Variants in SANBR observed in about 807,000 individuals in gnomAD.
SANBR encodes the protein SANT and BTB domain regulator of CSR.
SANBR carries 77 observed loss-of-function variants against 101.8 expected under a neutral mutation model. That is an observed-to-expected ratio of 0.76 (90% CI 0.63 to 0.91). The LOEUF is 0.91. Among genes scored for constraint, SANBR ranks in the 40% least tolerant of loss-of-function variants. SANBR has a pLI of 0.00. For synonymous variants in SANBR, 279 were observed against 274.7 expected (o/e 1.02, Z -0.15); for missense variants, 875 against 853.0 (o/e 1.03, Z -0.32).
At chr2:61,116,899 A>G (rs1226361047) in intron 17 of SANBR, among the ~76,000 whole-genome samples, 1 of 152,088 alleles carries the variant, frequency 6.6e-6, no homozygotes, top group Non-Finnish European at 1.5e-5. Flanking sequence ...CTAAAAAAAA[A>G]TACAAAAATT....
In SANBR at chr2:61,070,070, T is replaced by C. The variant is rs955934851; in HGVS notation, c.-9-272T>C. 3.9e-5 allele frequency among the ~76,000 whole-genome samples: 6 copies of C among 152,194 alleles called. No homozygotes were observed. In the East Asian group the frequency reaches 1.2e-3, roughly 29 times the overall value. Reference sequence around the variant, plus strand: ...ATCTTGTAAAATTGGGGACTCTGTCTCTAAAGAAAAAAAGATAAAAAATAT... The same window carrying C: ...ATCTTGTAAAATTGGGGACTCTGTCCCTAAAGAAAAAAAGATAAAAAATAT... On this transcript the variant is annotated intron_variant, in intron 2 of 21. Coordinates refer to ENST00000402291, the MANE Select transcript of SANBR (RefSeq NM_001129993.3).
At chr2:61,114,683 G>A (rs185625334) in intron 16 of SANBR, among the ~76,000 whole-genome samples, 2 of 152,074 alleles carry the variant, frequency 1.3e-5, no homozygotes, top group African/African-American at 2.4e-5. Context: ...TTGAGACAGG[G>A]GCTCTCTGTT....
intron 10 of SANBR, among the ~76,000 whole-genome samples, chr2:61,091,076 A>C (rs1045089379): frequency 6.6e-6 from 1 of 152,138 alleles, no homozygotes; most frequent in East Asian, 1.9e-4. Context: ...CTTTTAAGAC[A>C]AATGTGCCTG....
intron 19 of SANBR, 76 bp downstream of exon 19, chr2:61,117,616 T>C: frequency 2.4e-6 from 3 of 1,258,190 alleles, no homozygotes; most frequent in Non-Finnish European, 3.5e-6. Flanking sequence ...TTTTATACAG[T>C]ATGCTGAATA....
At position 61,097,738 on chromosome 2, in the gene SANBR, C is replaced by T. The variant is rs775772917; in HGVS notation, c.1251C>T (p.His417=). ...LCIEFSHCQY[H]SETVVYPTAA... ...TTGAATTTTCACATTGTCAATACCA[C>T]TCAGAAACAGTGGTTTATCCTACTG... The change falls in exon 12 of 22, where the codon CAC becomes CAT. Residue 417 remains histidine, a synonymous_variant. Coordinates refer to ENST00000402291, the MANE Select transcript of SANBR (RefSeq NM_001129993.3). 1.2e-6 allele frequency: 2 copies of T among 1,609,980 alleles called. No individual in the cohort carries two copies. The highest frequency in any genetic ancestry group is 3.3e-5 in the Admixed American group (2 of 59,978).
At position 61,123,795 on chromosome 2, in the gene SANBR, C is replaced by G; in HGVS notation, c.*1633C>G. The G allele has an allele frequency of 1.0e-6, 1 of 985,506 alleles. No homozygotes were observed. Among genetic ancestry groups the G allele is most frequent in the African/African-American group, 1.7e-5 (1 of 57,366 alleles). The allele number at this position is 985,506 out of a possible 1,614,324, so 61.0% of individuals were successfully genotyped here. A position where few individuals can be genotyped will look rare whatever the true frequency, so the allele number is the denominator to read the frequency against. On this transcript the variant is annotated 3_prime_UTR_variant, in exon 22 of 22. Coordinates refer to ENST00000402291, the MANE Select transcript of SANBR (RefSeq NM_001129993.3). ...CCAGAGTTTATCAGAATTTGATTCTCTTCAGAATGCTTTTGGCCAGGTGTA... is the reference window on the plus strand; with the variant it reads ...CCAGAGTTTATCAGAATTTGATTCTGTTCAGAATGCTTTTGGCCAGGTGTA...
At chr2:61,105,587 C>T (rs1211338679) in intron 13 of SANBR, among the ~76,000 whole-genome samples, 2 of 151,930 alleles carry the variant, frequency 1.3e-5, no homozygotes, top group Non-Finnish European at 2.9e-5. Flanking sequence ...AGGTTGGTCT[C>T]GAACTCGTGA....
exon 22 of SANBR, chr2:61,137,664 C>T (rs758074053): frequency 7.9e-5 from 12 of 151,852 alleles, no homozygotes; most frequent in Non-Finnish European, 1.5e-4. Context: ...AACAAATATC[C>T]AGGTACCCAC....
At chr2:61,068,163 C>A (rs1681278602) in intron 1 of SANBR, among the ~76,000 whole-genome samples, 1 of 152,184 alleles carries the variant, frequency 6.6e-6, no homozygotes, top group African/African-American at 2.4e-5. Flanking sequence ...ACAGAAATTT[C>A]TCAGGGCCCT....
intron 12 of SANBR, among the ~76,000 whole-genome samples, chr2:61,101,407 C>G (rs545861906): frequency 6.6e-6 from 1 of 152,104 alleles, no homozygotes; most frequent in South Asian, 2.1e-4. Flanking sequence ...TACATTGTTT[C>G]GAGCAAAATA....
intron 21 of SANBR, among the ~76,000 whole-genome samples, chr2:61,137,202 C>T (rs1013880969): frequency 6.6e-6 from 1 of 151,922 alleles, no homozygotes; most frequent in South Asian, 2.1e-4. Context: ...CACTTAAGCC[C>T]AAGAGGTCAA....
chr2:61,077,821 C>G (rs1365089969), intron 6 of SANBR, among the ~76,000 whole-genome samples: 2 of 152,108 alleles, frequency 1.3e-5, no homozygotes, highest in African/African-American at 4.8e-5. Flanking sequence ...AATTGAAGAC[C>G]ATTTTTACTT....
chr2:61,121,365 C>A, intron 21 of SANBR, 89 bp downstream of exon 21: 1 of 787,880 alleles, frequency 1.3e-6, no homozygotes, highest in Non-Finnish European at 2.1e-6. Context: ...AGAAACATAT[C>A]ATTTGAGTTT....
intron 12 of SANBR, among the ~76,000 whole-genome samples, chr2:61,101,698 A>T (rs1683293474): frequency 6.6e-6 from 1 of 150,904 alleles, no homozygotes; most frequent in South Asian, 2.1e-4. Context: ...ACTGCACGGC[A>T]GCCTGGGCAA....
At chr2:61,082,219 A>C (rs1682172073) in intron 7 of SANBR, among the ~76,000 whole-genome samples, 1 of 152,182 alleles carries the variant, frequency 6.6e-6, no homozygotes, top group Non-Finnish European at 1.5e-5. Flanking sequence ...AGCTGGTATC[A>C]GGGAAGGGTT....
intron 3 of SANBR, among the ~76,000 whole-genome samples, chr2:61,070,730 ATATTT>A (rs1005678173): frequency 6.8e-6 from 1 of 146,936 alleles, no homozygotes; most frequent in African/African-American, 2.5e-5. Flanking sequence ...TTTATATATA[ATATTT>A]TATATATAAA....
At chr2:61,088,298 T>C (rs916030977) in intron 9 of SANBR, 53 bp downstream of exon 9, 2 of 1,568,806 alleles carry the variant, frequency 1.3e-6, no homozygotes, top group Non-Finnish European at 8.6e-7. Flanking sequence ...GCTATATTCT[T>C]TAATTTACTA....
At chr2:61,086,655 A>G (rs1314531614) in intron 8 of SANBR, among the ~76,000 whole-genome samples, 1 of 152,228 alleles carries the variant, frequency 6.6e-6, no homozygotes, top group Non-Finnish European at 1.5e-5. Flanking sequence ...AAGTGGATTT[A>G]GAAAACTTTT....
chr2:61,081,640 A>T, intron 7 of SANBR, 130 bp downstream of exon 7: 1 of 1,022,798 alleles, frequency 9.8e-7, no homozygotes, highest in South Asian at 1.8e-5. Context: ...AAAAATTGTT[A>T]ATTCAGGAAT....
Sources: gnomAD v4.1 joint callset for allele counts (sites outside exome capture counted in the v4.1 genomes callset) on GRCh38, gnomAD v4.1.1 for gene constraint, MANE v1.5 for transcripts, NCBI Gene and HGNC (gene_info 2026-07-23, HGNC 2026-07-21) for gene names.